LIMD1: variants seen among roughly 807,000 people sequenced by gnomAD.
LIMD1 encodes LIM domain-containing protein 1.
LIMD1 carries 23 observed loss-of-function variants against 58.4 expected under a neutral mutation model. That is an observed-to-expected ratio of 0.39 (90% CI 0.28 to 0.56). The LOEUF (loss-of-function observed/expected upper bound fraction) is 0.56. Ranked by LOEUF, LIMD1 falls within the 20% of genes least tolerant of loss-of-function variation. The pLI is 0.57. For missense variants in LIMD1, 838 were observed against 855.5 expected, an observed-to-expected ratio of 0.98 and a Z score of 0.25; for synonymous variants, 334 against 345.5, an observed-to-expected ratio of 0.97 and a Z score of 0.37.
intron 1 of LIMD1, among the ~76,000 whole-genome samples, chr3:45,602,325 T>C (rs1278527486): frequency 6.6e-6 from 1 of 152,144 alleles, no homozygotes; most frequent in African/African-American, 2.4e-5. Flanking sequence ...CCTGGGGATC[T>C]GTCACGGCTA....
chr3:45,647,638 A>T (rs60603321), intron 2 of LIMD1, among the ~76,000 whole-genome samples: 4,607 of 152,248 alleles, frequency 0.03, 74 homozygotes, highest in Non-Finnish European at 0.041. Flanking sequence ...TCTTGCATGG[A>T]TCACTGCTGT....
chr3:45,676,492 C>T (rs1281871333), intron 7 of LIMD1, among the ~76,000 whole-genome samples: 2 of 152,230 alleles, frequency 1.3e-5, no homozygotes, highest in East Asian at 1.9e-4. Flanking sequence ...TGTGTTGTTC[C>T]CCTCCCTGTG....
chr3:45,674,515 G>A (rs1432287984), intron 7 of LIMD1, 104 bp downstream of exon 7: 2 of 859,284 alleles, frequency 2.3e-6, no homozygotes, highest in African/African-American at 1.7e-5. Context: ...TTCTGGCAAG[G>A]GTCAGCCCTC....
At chr3:45,656,269 A>G (rs914036758) in intron 2 of LIMD1, among the ~76,000 whole-genome samples, 1 of 152,200 alleles carries the variant, frequency 6.6e-6, no homozygotes, top group Non-Finnish European at 1.5e-5. Context: ...ACAGCCTAAA[A>G]TGACTAAGAC....
Position 45,677,241 on chromosome 3 carries a change from G to A in LIMD1, c.*182G>A, listed in dbSNP as rs893031955. On this transcript the variant is annotated 3_prime_UTR_variant, in exon 8 of 8. Coordinates refer to ENST00000273317, the MANE Select transcript of LIMD1 (RefSeq NM_014240.3). ...GAGGTGAACACTACCTGCCTCCTGC[G>A]TGTATTTTCCAAGTGCTTTTCTCTG... The A allele has an allele frequency of 3.4e-5, 20 of 589,092 alleles. No homozygotes were observed. The highest frequency in any genetic ancestry group is 2.4e-4 in the East Asian group (8 of 33,946). 36.5% of individuals were successfully genotyped at this position (589,092 alleles called of 1,614,324 possible). A position where few individuals can be genotyped will look rare whatever the true frequency, so the allele number is the denominator to read the frequency against.
At position 45,664,315 on chromosome 3, in the gene LIMD1, T is replaced by C. The variant is rs151256528; in HGVS notation, c.1511-1335T>C. ...ACAACTGTGCCCGGCCAGATACTAA[T>C]AGCATTTTATATGTGCTTTGGCCAT... On this transcript the variant is annotated intron_variant, in intron 2 of 7. Transcript: ENST00000273317. Among the ~76,000 whole-genome samples the C allele has an allele frequency of 6.2e-3, 950 of 152,322 alleles. 12 individuals carry two copies. Among genetic ancestry groups the C allele is most frequent in the African/African-American group, 0.022 (895 of 41,568 alleles).
At chr3:45,654,966 C>CTGGA (rs1702014250) in intron 2 of LIMD1, among the ~76,000 whole-genome samples, 1 of 148,226 alleles carries the variant, frequency 6.7e-6, no homozygotes, top group South Asian at 2.1e-4. Context: ...GTCACCCAGG[C>CTGGA]TGGAGTACAA....
chr3:45,632,647 A>G lies in LIMD1; in HGVS notation c.1409-3503A>G, dbSNP rs888225261. ...TTCCTTGAGCACTTGCGGAGGCCAC[A>G]GTTAAGACATGGCCCTTATTCTGAA... is the stretch of plus-strand genomic sequence containing the variant. On this transcript the variant is annotated intron_variant, in intron 1 of 7. Transcript: ENST00000273317. 7.9e-6 allele frequency: 5 copies of G among 629,272 alleles called. No homozygotes were observed. The East Asian group carries it at 4.2e-4, about 53-fold the overall frequency. 39.0% of individuals were successfully genotyped at this position (629,272 alleles called of 1,614,324 possible). A position where few individuals can be genotyped will look rare whatever the true frequency, so the allele number is the denominator to read the frequency against.
At chr3:45,614,272 C>G (rs1406158995) in intron 1 of LIMD1, among the ~76,000 whole-genome samples, 1 of 152,016 alleles carries the variant, frequency 6.6e-6, no homozygotes, top group Non-Finnish European at 1.5e-5. Context: ...TCATGCTTGT[C>G]ATCCCAGCAC....
intron 2 of LIMD1, among the ~76,000 whole-genome samples, chr3:45,639,607 A>G (rs1701822030): frequency 6.6e-6 from 1 of 152,162 alleles, no homozygotes; most frequent in Non-Finnish European, 1.5e-5. Context: ...GTTCCACCTC[A>G]TGAGAATCAC....
intron 1 of LIMD1, 174 bp from the exon 2 acceptor site, chr3:45,635,976 G>A: frequency 1.0e-6 from 1 of 985,316 alleles, no homozygotes; most frequent in Non-Finnish European, 1.2e-6. Flanking sequence ...TTCTGCAGTT[G>A]AAAGAGTGAC....
At chr3:45,628,543 C>G (rs985992202) in intron 1 of LIMD1, among the ~76,000 whole-genome samples, 4 of 152,208 alleles carry the variant, frequency 2.6e-5, no homozygotes, top group Admixed American at 6.5e-5. Flanking sequence ...ATTTGGAACT[C>G]TAATGAGCTG....
At chr3:45,615,378 G>T (rs1033604685) in intron 1 of LIMD1, among the ~76,000 whole-genome samples, 3 of 152,162 alleles carry the variant, frequency 2.0e-5, no homozygotes, top group Non-Finnish European at 4.4e-5. Flanking sequence ...ATGGATTTAG[G>T]GGGGAGAAGT....
chr3:45,650,806 G>A (rs148118833), intron 2 of LIMD1, among the ~76,000 whole-genome samples: 4,610 of 152,010 alleles, frequency 0.03, 77 homozygotes, highest in Non-Finnish European at 0.041. Context: ...TAACGTGTGC[G>A]TGTGTCTTTA....
chr3:45,659,641 T>C (rs1697400987), intron 2 of LIMD1, among the ~76,000 whole-genome samples: 1 of 152,150 alleles, frequency 6.6e-6, no homozygotes. Context: ...TATATAAGCA[T>C]TTTCCAATAT....
In LIMD1 at chr3:45,673,389, G is replaced by A. The variant is rs1472300050; in HGVS notation, c.1773-65G>A. The A allele has an allele frequency of 6.1e-6, 8 of 1,304,454 alleles. No individual in the cohort carries two copies. The East Asian group carries it at 1.6e-4, about 26-fold the overall frequency. 80.8% of individuals were successfully genotyped at this position (1,304,454 alleles called of 1,614,324 possible). A position where few individuals can be genotyped will look rare whatever the true frequency, so the allele number is the denominator to read the frequency against. ...GGAAGGCTCCATGTGGATTCCAAGT[G>A]CAAGTCTGACTCTGGAATTTGCTCC... On this transcript the variant is annotated intron_variant, in intron 5 of 7. Coordinates refer to ENST00000273317, the MANE Select transcript of LIMD1 (RefSeq NM_014240.3).
chr3:45,613,520 T>C (rs1226130597), intron 1 of LIMD1, among the ~76,000 whole-genome samples: 1 of 152,138 alleles, frequency 6.6e-6, no homozygotes, highest in Non-Finnish European at 1.5e-5. Flanking sequence ...GTTTTACTGC[T>C]GAGTAATATT....
Position 45,672,715 on chromosome 3 carries a change from A to G in LIMD1, c.1667A>G (p.Tyr556Cys), listed in dbSNP as rs748099126. The G allele has an allele frequency of 3.7e-6, 6 of 1,613,722 alleles. No individual in the cohort carries two copies. Among genetic ancestry groups the G allele is most frequent in the Non-Finnish European group, 4.2e-6 (5 of 1,179,920 alleles). ...ATCCTGCAAGCCCTGGGGAAGTCCTACCACCCCGGCTGTTTCCGCTGTGTC... is the reference window on the plus strand; with the variant it reads ...ATCCTGCAAGCCCTGGGGAAGTCCTGCCACCCCGGCTGTTTCCGCTGTGTC... Reference protein sequence around the residue: ...DMILQALGKSYHPGCFRCVIC... With the variant: ...DMILQALGKSCHPGCFRCVIC... The change falls in exon 5 of 8, where the codon TAC (tyrosine) becomes TGC (cysteine). Residue 556 changes from tyrosine (Y) to cysteine (C), a missense_variant. By Grantham distance (194) the Tyr-to-Cys change is radical. This residue lies in a region of LIMD1 where 174 missense variants were observed against 197.4 expected (regional missense o/e 0.88). Transcript: ENST00000273317.
rs1701320100 is a variant in LIMD1, at chr3:45,594,807, A to ACACACACACACACACACAC, written c.-72_-54dup. On this transcript the variant is annotated 5_prime_UTR_variant, in exon 1 of 8. Transcript: ENST00000273317. ...CACACACACACACACACACACACAC[A>ACACACACACACACACACAC]CACACACACACACACACACACACAC... 3.2e-6 allele frequency: 2 copies of ACACACACACACACACACAC among 622,992 alleles called. No homozygotes were observed. The highest frequency in any genetic ancestry group is 3.8e-5 in the African/African-American group (2 of 52,090). 38.6% of individuals were successfully genotyped at this position (622,992 alleles called of 1,614,324 possible).
Sources: allele counts gnomAD v4.1 joint callset (sites outside exome capture counted in the v4.1 genomes callset), GRCh38; gene constraint gnomAD v4.1.1; regional missense constraint gnomAD v4.1.1; transcripts MANE v1.5; gene names NCBI Gene and HGNC (gene_info 2026-07-23, HGNC 2026-07-21).